SPART: variants seen among roughly 807,000 people sequenced by gnomAD.
The protein encoded by SPART is spastic paraplegia 20 (Troyer syndrome).
Under a neutral mutation model 58.7 loss-of-function variants are expected in SPART, and 35 were observed. The ratio of observed to expected loss-of-function variants is 0.60; its 90% CI spans 0.46 to 0.79. The LOEUF (loss-of-function observed/expected upper bound fraction) is 0.79. Ranked by LOEUF, SPART falls within the 30% of genes least tolerant of loss-of-function variation. The pLI is 0.00. For synonymous variants in SPART, 284 were observed against 280.7 expected (o/e 1.01, Z -0.12); for missense variants, 730 against 786.1 (o/e 0.93, Z 0.85).
At chr13:36,358,202 A>G (rs1318779368) in intron 1 of SPART, among the ~76,000 whole-genome samples, 2 of 152,332 alleles carry the variant, frequency 1.3e-5, no homozygotes, top group South Asian at 2.1e-4. Context: ...AAATTTTCAA[A>G]CGATTCTTCC....
rs922614010 is a variant in SPART at position 36,314,208 on chromosome 13, T to G, written c.1483+19A>C. On this transcript the variant is annotated intron_variant, in intron 6 of 8. Transcript: ENST00000438666. ...TTAAATATAACTTTAAAAAGTAAAGTTATCTAGAATTACTTTACCCAGGAA... is the reference window on the plus strand; with the variant it reads ...TTAAATATAACTTTAAAAAGTAAAGGTATCTAGAATTACTTTACCCAGGAA... 1.2e-6 allele frequency: 2 copies of G among 1,611,204 alleles called. No individual in the cohort carries two copies. The highest frequency in any genetic ancestry group is 2.7e-5 in the African/African-American group (2 of 74,872).
chr13:36,331,368 T>C (rs766797247), intron 3 of SPART, 31 bp downstream of exon 3: 1 of 1,601,974 alleles, frequency 6.2e-7, no homozygotes, highest in Non-Finnish European at 8.6e-7. Flanking sequence ...AAGTAGATTT[T>C]TTTCACCCTA....
chr13:36,341,348 A>G (rs1394861594), intron 1 of SPART, among the ~76,000 whole-genome samples: 1 of 152,244 alleles, frequency 6.6e-6, no homozygotes, highest in African/African-American at 2.4e-5. Flanking sequence ...GTTAATTTCA[A>G]TGATAGTATC....
At chr13:36,344,000 ACCAGCCTGGGTGAC>A (rs1884813093) in intron 1 of SPART, among the ~76,000 whole-genome samples, 1 of 151,390 alleles carries the variant, frequency 6.6e-6, no homozygotes, top group Non-Finnish European at 1.5e-5. Flanking sequence ...CTGCACTCCA[ACCAGCCTGGGTGAC>A]AGAGCAAGAC....
chr13:36,344,913 C>A (rs536864501), intron 1 of SPART, among the ~76,000 whole-genome samples: 2 of 152,274 alleles, frequency 1.3e-5, no homozygotes, highest in Admixed American at 6.5e-5. Context: ...TTTTAACGTT[C>A]TAATAAAACA....
chr13:36,323,835 T>C (rs1882657329), intron 5 of SPART, among the ~76,000 whole-genome samples: 1 of 152,150 alleles, frequency 6.6e-6, no homozygotes, highest in Non-Finnish European at 1.5e-5. Flanking sequence ...CCTGAAGGTA[T>C]AGAATAAAAA....
intron 8 of SPART, among the ~76,000 whole-genome samples, chr13:36,311,710 A>C (rs531198191): frequency 6.6e-6 from 1 of 152,360 alleles, no homozygotes; most frequent in East Asian, 1.9e-4. Flanking sequence ...TCCCTATTTA[A>C]GAAAAGCAGT....
chr13:36,358,676 C>A (rs958100881), intron 1 of SPART, among the ~76,000 whole-genome samples: 2 of 152,110 alleles, frequency 1.3e-5, no homozygotes, highest in Non-Finnish European at 2.9e-5. Context: ...CATCACTGAA[C>A]TATATTTAGT....
chr13:36,353,620 G>T (rs1182528907), intron 1 of SPART, among the ~76,000 whole-genome samples: 2 of 152,130 alleles, frequency 1.3e-5, no homozygotes, highest in African/African-American at 4.8e-5. Flanking sequence ...TGGGTTGGGC[G>T]CTGTCAGGAA....
chr13:36,327,029 T>C lies in SPART; in HGVS notation c.1165-331A>G, dbSNP rs1883001845. 2.0e-5 allele frequency among the ~76,000 whole-genome samples: 3 copies of C among 152,212 alleles called. No individual in the cohort carries two copies. In the South Asian group the frequency reaches 6.2e-4, roughly 31 times the overall value. On this transcript the variant is annotated intron_variant, in intron 4 of 8. Coordinates refer to ENST00000438666, the MANE Select transcript of SPART (RefSeq NM_015087.5). Reference sequence around the variant, plus strand: ...AACAGATATCATCCCTAGATATTAGTGTGCACATGGTACTCAGTAAGATTA... The same window carrying C: ...AACAGATATCATCCCTAGATATTAGCGTGCACATGGTACTCAGTAAGATTA...
chr13:36,327,607 C>T (rs539147571), intron 4 of SPART, among the ~76,000 whole-genome samples: 2 of 152,004 alleles, frequency 1.3e-5, no homozygotes, highest in African/African-American at 4.8e-5. Flanking sequence ...TACATGCCAC[C>T]ATTTATGTTA....
At position 36,335,021 on chromosome 13, in the gene SPART, C is replaced by G; in HGVS notation, c.810G>C (p.Gln270His). 1 of 1,613,316 alleles carries G rather than the reference C, an allele frequency of 6.2e-7. No homozygotes were observed. The highest frequency in any genetic ancestry group is 1.1e-5 in the South Asian group (1 of 91,026). ...ATGCTTTCATTTTTCTTTCGCTTAC[C>G]TGAAGAAACCCGGGAGGACGGTTTA... is the stretch of plus-strand genomic sequence containing the variant. ...TVLNRPPGFLQVCDWLYPLVP... is the reference protein window; with the variant it reads ...TVLNRPPGFLHVCDWLYPLVP... Residue 270 changes from glutamine (Q) to histidine (H), a missense_variant and splice_region_variant, in exon 2 of 9, where the codon CAG (glutamine) becomes CAC (histidine). Physicochemically the swap from Gln to His is conservative, Grantham distance 24. Transcript: ENST00000438666.
chr13:36,360,186 A>G (rs1885795560), intron 1 of SPART, among the ~76,000 whole-genome samples: 2 of 151,844 alleles, frequency 1.3e-5, no homozygotes, highest in South Asian at 4.2e-4. Flanking sequence ...TCCCAGCTAC[A>G]TGGGAGGCTG....
At chr13:36,321,620 T>C (rs373371830) in intron 5 of SPART, among the ~76,000 whole-genome samples, 27 of 152,214 alleles carry the variant, frequency 1.8e-4, no homozygotes, top group Admixed American at 5.2e-4. Context: ...TAATCCCGCT[T>C]GAAGCAGCCC....
At chr13:36,347,653 A>G (rs561193051), upstream of SPART, among the ~76,000 whole-genome samples, 1 of 152,224 alleles carries the variant, frequency 6.6e-6, no homozygotes, top group East Asian at 1.9e-4. Flanking sequence ...GTGGTTTCAA[A>G]ATGATTTTGC....
chr13:36,312,463 T>C lies in SPART; in HGVS notation c.1498A>G (p.Thr500Ala). 1 of 1,614,146 alleles carries C rather than the reference T, an allele frequency of 6.2e-7. No individual in the cohort carries two copies. The highest frequency in any genetic ancestry group is 8.5e-7 in the Non-Finnish European group (1 of 1,180,020). Residue 500 changes from threonine to alanine, a missense_variant, in exon 7 of 9, where the codon ACT (threonine) becomes GCT (alanine). Thr to Ala is a moderately conservative substitution (Grantham distance 58). Coordinates refer to ENST00000438666, the MANE Select transcript of SPART (RefSeq NM_015087.5). ...VSQFLVDGVCTVANCVGKELA... is the reference protein window; with the variant it reads ...VSQFLVDGVCAVANCVGKELA... ...TCTTTTCCAACGCAATTTGCTACAG[T>C]GCAAACTCCATCAACTAATATGACC...
chr13:36,338,060 A>T (rs1405474884), intron 1 of SPART, among the ~76,000 whole-genome samples: 1 of 152,180 alleles, frequency 6.6e-6, no homozygotes, highest in Non-Finnish European at 1.5e-5. Flanking sequence ...AAAGGCTGAG[A>T]TATGAACAGA....
chr13:36,323,854 G>C (rs1274334405), intron 5 of SPART, among the ~76,000 whole-genome samples: 1 of 152,180 alleles, frequency 6.6e-6, no homozygotes, highest in East Asian at 1.9e-4. Flanking sequence ...AAGGAAAAGA[G>C]GTACTGGCAC....
intron 1 of SPART, chr13:36,369,365 A>G (rs1238207914): frequency 1.3e-5 from 2 of 152,210 alleles, no homozygotes; most frequent in Non-Finnish European, 1.5e-5. Flanking sequence ...ACTAGCAGAC[A>G]TCTAAGGTCT....
Sources: gnomAD v4.1 joint callset for allele counts (sites outside exome capture counted in the v4.1 genomes callset) on GRCh38, gnomAD v4.1.1 for gene constraint, MANE v1.5 for transcripts, NCBI Gene and HGNC (gene_info 2026-07-23, HGNC 2026-07-21) for gene names.